KCNN2: variants seen among roughly 807,000 people sequenced by gnomAD.
KCNN2 encodes small conductance calcium-activated potassium channel protein 2.
A neutral mutation model predicts 55.5 loss-of-function variants in KCNN2; 24 were observed. That is an observed-to-expected ratio of 0.43 (90% CI 0.31 to 0.61). KCNN2 has a LOEUF of 0.61. KCNN2 is among the 20% of genes least tolerant of loss of function. The pLI is 0.08. For missense variants in KCNN2, 754 were observed against 853.6 expected (o/e 0.88, Z 1.45); for synonymous variants, 431 against 336.1 (o/e 1.28, Z -3.09).
intron 1 of KCNN2, among the ~76,000 whole-genome samples, chr5:114,076,244 G>T (rs1254788319): frequency 1.3e-5 from 2 of 152,150 alleles, no homozygotes; most frequent in African/African-American, 4.8e-5. Flanking sequence ...GGCATCTTTG[G>T]TAGTTGATGC....
At chr5:114,200,791 G>A (rs1204552760) in intron 1 of KCNN2, among the ~76,000 whole-genome samples, 1 of 152,096 alleles carries the variant, frequency 6.6e-6, no homozygotes, top group Non-Finnish European at 1.5e-5. Context: ...GCAGTGGTCA[G>A]TGGTCTCTGT....
At chr5:114,335,847 A>C (rs948346701) in intron 2 of KCNN2, among the ~76,000 whole-genome samples, 2 of 152,198 alleles carry the variant, frequency 1.3e-5, no homozygotes, top group African/African-American at 4.8e-5. Flanking sequence ...GAATGAAAAG[A>C]GCTTCAAGAA....
At chr5:114,264,337 AGCTTTCCTTCCATG>A (rs1423571052) in intron 2 of KCNN2, among the ~76,000 whole-genome samples, 1 of 152,144 alleles carries the variant, frequency 6.6e-6, no homozygotes, top group Admixed American at 6.5e-5. Flanking sequence ...AGTATTTCCT[AGCTTTCCTTCCATG>A]GCATTCTGCT....
At chr5:114,164,111 T>G (rs1354094006) in intron 1 of KCNN2, among the ~76,000 whole-genome samples, 1 of 152,176 alleles carries the variant, frequency 6.6e-6, no homozygotes, top group Admixed American at 6.5e-5. Context: ...ATTACAAAAG[T>G]ATTCAAAAAG....
intron 2 of KCNN2, among the ~76,000 whole-genome samples, chr5:114,291,635 G>T (rs920795614): frequency 3.9e-5 from 6 of 152,174 alleles, no homozygotes; most frequent in African/African-American, 1.2e-4. Flanking sequence ...ATTGTGAATA[G>T]TGCTGCAATA....
chr5:114,372,581 TTTA>T (rs1360723558), intron 2 of KCNN2, among the ~76,000 whole-genome samples: 1 of 152,084 alleles, frequency 6.6e-6, no homozygotes, highest in Non-Finnish European at 1.5e-5. Context: ...TCTTAAAAAT[TTTA>T]TTTTTTCCCT....
intron 7 of KCNN2, among the ~76,000 whole-genome samples, chr5:114,494,418 G>C (rs79124698): frequency 0.032 from 4,868 of 150,116 alleles, 91 homozygotes; most frequent in Middle Eastern, 0.041. Flanking sequence ...AAGACAGTAA[G>C]TATTTAATGA....
intron 3 of KCNN2, among the ~76,000 whole-genome samples, chr5:114,424,905 G>A (rs1183288357): frequency 2.6e-5 from 4 of 152,176 alleles, no homozygotes; most frequent in Admixed American, 6.5e-5. Flanking sequence ...ATGCCCAGAT[G>A]TTGAAAGGTA....
intron 2 of KCNN2, among the ~76,000 whole-genome samples, chr5:114,267,444 T>C (rs1390696133): frequency 6.6e-6 from 1 of 152,122 alleles, no homozygotes; most frequent in Non-Finnish European, 1.5e-5. Flanking sequence ...AACTTTTGAG[T>C]ATCAGTTTGA....
At chr5:114,366,383 A>G (rs1275696363) in intron 2 of KCNN2, among the ~76,000 whole-genome samples, 1 of 152,218 alleles carries the variant, frequency 6.6e-6, no homozygotes, top group Non-Finnish European at 1.5e-5. Flanking sequence ...TAATTTCAAA[A>G]TAGATGCTTG....
chr5:114,451,828 C>T (rs980126332), intron 3 of KCNN2, among the ~76,000 whole-genome samples: 6 of 150,062 alleles, frequency 4.0e-5, no homozygotes, highest in Non-Finnish European at 8.9e-5. Flanking sequence ...ACCCGGGTGG[C>T]GGAGCTTGCA....
At chr5:114,124,048 C>T (rs1751879569) in intron 1 of KCNN2, among the ~76,000 whole-genome samples, 1 of 152,132 alleles carries the variant, frequency 6.6e-6, no homozygotes. Flanking sequence ...TCATAAATAC[C>T]TCATGCTTGT....
At chr5:114,445,814 T>A (rs1760383167) in intron 3 of KCNN2, among the ~76,000 whole-genome samples, 1 of 152,210 alleles carries the variant, frequency 6.6e-6, no homozygotes, top group South Asian at 2.1e-4. Context: ...TGAGAGACAC[T>A]CTCTTTTATT....
chr5:114,093,681 G>A (rs534465933), intron 1 of KCNN2, among the ~76,000 whole-genome samples: 14 of 152,304 alleles, frequency 9.2e-5, no homozygotes, highest in South Asian at 2.1e-4. Context: ...AAGGTGACAG[G>A]AAGGAGAATG....
intron 1 of KCNN2, among the ~76,000 whole-genome samples, chr5:114,193,877 T>G (rs766593649): frequency 1.1e-4 from 17 of 152,164 alleles, no homozygotes; most frequent in Non-Finnish European, 1.6e-4. Context: ...AACAGCTCTA[T>G]TGAGATATAA....
chr5:114,370,115 C>T (rs948623677), intron 2 of KCNN2, among the ~76,000 whole-genome samples: 4 of 152,094 alleles, frequency 2.6e-5, no homozygotes, highest in Admixed American at 1.3e-4. Flanking sequence ...ATTTATAAAA[C>T]TAGAAAACAC....
intron 1 of KCNN2, among the ~76,000 whole-genome samples, chr5:114,164,985 TGAGAC>T (rs1043909064): frequency 2.3e-4 from 35 of 152,310 alleles, no homozygotes; most frequent in African/African-American, 8.4e-4. Flanking sequence ...GTTTTACAGA[TGAGAC>T]GAGTAAGGCA....
At chr5:114,462,479 A>T (rs1761254816) in intron 3 of KCNN2, among the ~76,000 whole-genome samples, 1 of 152,180 alleles carries the variant, frequency 6.6e-6, no homozygotes. Context: ...GACCTATTAT[A>T]ATATGGTCCC....
At chr5:114,333,663 GTTC>G (rs1459216359) in intron 2 of KCNN2, among the ~76,000 whole-genome samples, 1 of 151,712 alleles carries the variant, frequency 6.6e-6, no homozygotes, top group African/African-American at 2.4e-5. Flanking sequence ...TTCTTGAAGT[GTTC>G]TTATTTTAAA....
Sources: allele counts gnomAD v4.1 joint callset (sites outside exome capture counted in the v4.1 genomes callset), GRCh38; gene constraint gnomAD v4.1.1; transcripts MANE v1.5; gene names NCBI Gene and HGNC (gene_info 2026-07-23, HGNC 2026-07-21).